The following COL11A1 variants were observed in gnomAD, a reference collection of about 807,000 sequenced individuals.
The protein encoded by COL11A1 is collagen type XI alpha 1 chain.
In COL11A1, 74 loss-of-function variants were observed where a neutral mutation model predicts 265.2. That is an observed-to-expected ratio of 0.28 (90% CI 0.23 to 0.34). The LOEUF (loss-of-function observed/expected upper bound fraction) is 0.34, where lower values mean the gene tolerates loss of function less well. Among genes scored for constraint, COL11A1 ranks in the 10% least tolerant of loss-of-function variants. COL11A1 has a pLI of 1.00. For synonymous variants in COL11A1, 816 were observed against 727.6 expected (o/e 1.12, Z -1.96); for missense variants, 2,165 against 2,263.6 (o/e 0.96, Z 0.88).
intron 5 of COL11A1, among the ~76,000 whole-genome samples, chr1:103,029,588 C>T (rs527623451): frequency 6.6e-6 from 1 of 151,966 alleles, no homozygotes; most frequent in East Asian, 1.9e-4. Flanking sequence ...ATGACTTACT[C>T]AATCTAAAAA....
At chr1:103,026,452 T>C (rs1667526837) in intron 5 of COL11A1, 120 bp from the exon 6 acceptor site, 2 of 731,218 alleles carry the variant, frequency 2.7e-6, no homozygotes, top group Non-Finnish European at 2.5e-6. Flanking sequence ...ATTAATGTTA[T>C]TGATGAGTTA....
At chr1:103,041,534 A>G (rs374467321) in intron 4 of COL11A1, among the ~76,000 whole-genome samples, 1 of 151,724 alleles carries the variant, frequency 6.6e-6, no homozygotes, top group East Asian at 1.9e-4. Context: ...ATAGTCCCTT[A>G]TTTTTGCTCT....
At chr1:103,014,446 T>C (rs1309879753) in intron 13 of COL11A1, 65 bp downstream of exon 13, 2 of 1,278,956 alleles carry the variant, frequency 1.6e-6, no homozygotes, top group South Asian at 1.2e-5. Flanking sequence ...CTTCCGTATG[T>C]ACACACATAT....
chr1:102,978,716 C>T lies in COL11A1; in HGVS notation c.2746G>A (p.Gly916Ser). ...GGCTGTATCATACGTACTCTTTCAC[C>T]TGGAGGGCCAGGAGGGCCATCGCCA... is the stretch of plus-strand genomic sequence containing the variant. ...SGGDGPPGPPGERGPQGPQGP... is the reference protein window; with the variant it reads ...SGGDGPPGPPSERGPQGPQGP... Residue 916 changes from glycine (G) to serine (S), a missense_variant, in exon 35 of 67, where the codon GGT (glycine) becomes AGT (serine). Gly to Ser is a moderately conservative substitution (Grantham distance 56). Transcript: ENST00000370096. The T allele has an allele frequency of 6.2e-7, 1 of 1,614,102 alleles. No individual in the cohort carries two copies. The highest frequency in any genetic ancestry group is 8.5e-7 in the Non-Finnish European group (1 of 1,179,974).
intron 12 of COL11A1, 46 bp from the exon 13 acceptor site, chr1:103,014,640 C>T (rs1666413307): frequency 6.6e-7 from 1 of 1,507,712 alleles, no homozygotes; most frequent in African/African-American, 1.4e-5. Context: ...CTTTGTCAAA[C>T]ATGTTGAATT....
intron 55 of COL11A1, 34 bp from the exon 56 acceptor site, chr1:102,898,807 G>A: frequency 6.3e-7 from 1 of 1,576,536 alleles, no homozygotes; most frequent in Non-Finnish European, 8.7e-7. Flanking sequence ...GCACATTAGT[G>A]ATGAGAAAAT....
intron 54 of COL11A1, among the ~76,000 whole-genome samples, chr1:102,900,925 A>G (rs1476349791): frequency 1.3e-5 from 2 of 152,156 alleles, no homozygotes; most frequent in African/African-American, 4.8e-5. Context: ...AATGACGACA[A>G]AAGCAGATAT....
At position 103,001,916 on chromosome 1, in the gene COL11A1, G is replaced by A. The variant is rs1048188155; in HGVS notation, c.2142+9C>T. On this transcript the variant is annotated intron_variant, in intron 24 of 66. Coordinates refer to ENST00000370096, the MANE Select transcript of COL11A1 (RefSeq NM_001854.4). ...CACCAGGCTTTACGAGAACAACAGA[G>A]TAACTTACTTTTTCACCAGGAGGAC... 6.2e-7 allele frequency: 1 copy of A among 1,612,770 alleles called. No homozygotes were observed. Among genetic ancestry groups the A allele is most frequent in the Non-Finnish European group, 8.5e-7 (1 of 1,178,986 alleles).
intron 13 of COL11A1, among the ~76,000 whole-genome samples, chr1:103,014,256 G>T (rs1007846918): frequency 2.0e-5 from 3 of 152,026 alleles, no homozygotes; most frequent in Non-Finnish European, 4.4e-5. Context: ...TAGAAATCTT[G>T]CGTGTTATGG....
At chr1:103,027,282 A>T (rs998560540) in intron 5 of COL11A1, among the ~76,000 whole-genome samples, 2 of 150,038 alleles carry the variant, frequency 1.3e-5, no homozygotes, top group East Asian at 1.9e-4. Context: ...TTAATTTTCA[A>T]TCAAGATATA....
chr1:103,086,103 A>C lies in COL11A1; in HGVS notation c.107-3131T>G, dbSNP rs534126003. Among the ~76,000 whole-genome samples the C allele has an allele frequency of 1.4e-3, 215 of 152,322 alleles. 2 individuals carry two copies. The highest frequency in any genetic ancestry group is 4.9e-3 in the African/African-American group (204 of 41,584). ...TATGTTTATGTTATTTGGGCCAGCT[A>C]ATTGATTCCTGATGTTCATATTTAT... On this transcript the variant is annotated intron_variant, in intron 1 of 66. Transcript: ENST00000370096.
chr1:102,940,456 C>T, intron 42 of COL11A1, 22 bp from the exon 43 acceptor site: 1 of 1,570,604 alleles, frequency 6.4e-7, no homozygotes, highest in East Asian at 2.2e-5. Flanking sequence ...ATCCAAAGAT[C>T]ATTAATTTTA....
At chr1:103,023,863 A>G (rs116214357) in intron 7 of COL11A1, among the ~76,000 whole-genome samples, 3,310 of 152,300 alleles carry the variant, frequency 0.022, 45 homozygotes, top group Middle Eastern at 0.051. Flanking sequence ...TTTAAAGCAA[A>G]TAAAATAAAT....
rs1472384892 is a variant in COL11A1 at position 102,888,774 on chromosome 1, G to GCAAATT, written c.4519-17_4519-16insAATTTG. The GCAAATT allele has an allele frequency of 1.2e-6, 2 of 1,613,726 alleles. No homozygotes were observed. Among genetic ancestry groups the GCAAATT allele is most frequent in the African/African-American group, 2.7e-5 (2 of 74,908 alleles). ...CTTGAGGACCCTACAAAATGCAAAT[G>GCAAATT]CAAAAGCACAGATAAAAATCTGGAG... is the stretch of plus-strand genomic sequence containing the variant. On this transcript the variant is annotated splice_polypyrimidine_tract_variant and intron_variant, in intron 60 of 66. Transcript: ENST00000370096.
chr1:102,971,090 T>A (rs1486041071), intron 36 of COL11A1, among the ~76,000 whole-genome samples: 2 of 151,598 alleles, frequency 1.3e-5, no homozygotes, highest in African/African-American at 2.4e-5. Flanking sequence ...ATCTCTCAAA[T>A]TTTTTCAAGT....
chr1:103,066,177 T>A (rs1189873800), intron 4 of COL11A1, among the ~76,000 whole-genome samples: 1 of 152,036 alleles, frequency 6.6e-6, no homozygotes, highest in Non-Finnish European at 1.5e-5. Context: ...AAGTGTATCC[T>A]AGAAAAATAT....
chr1:102,885,389 A>AT (rs1209097456), intron 63 of COL11A1, among the ~76,000 whole-genome samples: 2 of 152,090 alleles, frequency 1.3e-5, no homozygotes, highest in African/African-American at 4.8e-5. Context: ...TTTGAATTAT[A>AT]TAAGTCCACT....
At chr1:102,905,262 T>A (rs1467785960) in intron 54 of COL11A1, among the ~76,000 whole-genome samples, 1 of 145,826 alleles carries the variant, frequency 6.9e-6, no homozygotes, top group African/African-American at 2.5e-5. Flanking sequence ...TTAGGAGATA[T>A]ACCTAATGCT....
chr1:102,894,921 G>A (rs773639561), intron 57 of COL11A1, among the ~76,000 whole-genome samples: 36 of 152,066 alleles, frequency 2.4e-4, no homozygotes, highest in Admixed American at 2.0e-3. Context: ...GATTACAGGC[G>A]TGAGCCACCA....
Sources: gnomAD v4.1 joint callset for allele counts (sites outside exome capture counted in the v4.1 genomes callset) on GRCh38, gnomAD v4.1.1 for gene constraint, MANE v1.5 for transcripts, NCBI Gene and HGNC (gene_info 2026-07-23, HGNC 2026-07-21) for gene names.